The following UBASH3B variants were observed in gnomAD, a reference collection of about 807,000 sequenced individuals.
UBASH3B encodes the protein ubiquitin associated and SH3 domain containing B, also known as ubiquitin-associated and SH3 domain-containing protein B.
Under a neutral mutation model 83.4 loss-of-function variants are expected in UBASH3B, and 37 were observed. The observed-to-expected ratio is 0.44, with a 90% CI of 0.34 to 0.58. The LOEUF (loss-of-function observed/expected upper bound fraction) is 0.58, where lower values mean the gene tolerates loss of function less well. UBASH3B is among the 20% of genes least tolerant of loss of function. The probability of loss-of-function intolerance (pLI) is 0.01; values close to 1 mark genes in which losing one functional copy is unlikely to be tolerated. For synonymous variants in UBASH3B, 304 were observed against 318.3 expected (o/e 0.96, Z 0.48); for missense variants, 657 against 827.2 (o/e 0.79, Z 2.52).
chr11:122,720,064 A>G (rs1338805690), intron 1 of UBASH3B, among the ~76,000 whole-genome samples: 2 of 152,020 alleles, frequency 1.3e-5, no homozygotes, highest in African/African-American at 4.8e-5. Context: ...ACTCACCCCC[A>G]TAGTAGTCTC....
At chr11:122,709,853 TA>T (rs146090293) in intron 1 of UBASH3B, among the ~76,000 whole-genome samples, 18,788 of 152,120 alleles carry the variant, frequency 0.12, 1,296 homozygotes, top group African/African-American at 0.17. Flanking sequence ...TTCATTTGCC[TA>T]GATCAAAAGA....
chr11:122,719,601 G>A (rs1860587197), intron 1 of UBASH3B, among the ~76,000 whole-genome samples: 1 of 152,128 alleles, frequency 6.6e-6, no homozygotes, highest in South Asian at 2.1e-4. Context: ...GTAATAATCA[G>A]CCTTAGTAGC....
intron 1 of UBASH3B, among the ~76,000 whole-genome samples, chr11:122,694,935 T>A (rs1454973451): frequency 6.7e-6 from 1 of 149,370 alleles, no homozygotes; most frequent in Admixed American, 6.7e-5. Flanking sequence ...ATTTTATTTA[T>A]TTTTCTTTTC....
chr11:122,704,201 AAC>A (rs1263458705), intron 1 of UBASH3B, among the ~76,000 whole-genome samples: 8 of 152,202 alleles, frequency 5.3e-5, no homozygotes, highest in Non-Finnish European at 1.0e-4. Flanking sequence ...CTGCCAGTTG[AAC>A]AGTCTAACTT....
At chr11:122,708,865 T>C (rs1221226450) in intron 1 of UBASH3B, among the ~76,000 whole-genome samples, 1 of 152,180 alleles carries the variant, frequency 6.6e-6, no homozygotes, top group Non-Finnish European at 1.5e-5. Context: ...AATGAGAACA[T>C]GTATATAATG....
At chr11:122,720,173 A>G (rs999638369) in intron 1 of UBASH3B, among the ~76,000 whole-genome samples, 2 of 152,180 alleles carry the variant, frequency 1.3e-5, no homozygotes, top group Admixed American at 6.5e-5. Flanking sequence ...CGTACTCAGC[A>G]TCTCCTATGG....
intron 1 of UBASH3B, among the ~76,000 whole-genome samples, chr11:122,657,421 T>G (rs995160677): frequency 1.3e-5 from 2 of 152,148 alleles, no homozygotes; most frequent in African/African-American, 4.8e-5. Context: ...CCTGAGTAGC[T>G]GGGACCATAG....
chr11:122,779,237 G>T, intron 3 of UBASH3B: 1 of 538,916 alleles, frequency 1.9e-6, no homozygotes, highest in Non-Finnish European at 3.3e-6. Context: ...CAGCATTTTG[G>T]CTGGGTTCAC....
At chr11:122,708,084 A>C (rs1864147838) in intron 1 of UBASH3B, among the ~76,000 whole-genome samples, 1 of 152,102 alleles carries the variant, frequency 6.6e-6, no homozygotes, top group Non-Finnish European at 1.5e-5. Context: ...TAGGAAACAC[A>C]CTGAGCCAGA....
intron 1 of UBASH3B, among the ~76,000 whole-genome samples, chr11:122,679,056 C>T (rs1412602762): frequency 2.6e-5 from 4 of 152,124 alleles, no homozygotes; most frequent in African/African-American, 4.8e-5. Context: ...TACTAAGAGA[C>T]CTGACTAAAA....
At chr11:122,778,025 T>C (rs6589950) in intron 3 of UBASH3B, among the ~76,000 whole-genome samples, 110,548 of 151,710 alleles carry the variant, frequency 0.73, 40,583 homozygotes, top group African/African-American at 0.83. Flanking sequence ...CCACCATGCC[T>C]GGCCTCTACT....
At position 122,789,272 on chromosome 11, in the gene UBASH3B, C is replaced by T; in HGVS notation, c.944C>T (p.Thr315Ile). Residue 315 changes from threonine to isoleucine, a missense_variant, in exon 6 of 14, where the codon ACC becomes ATC. Transcript: ENST00000284273. ...GGACTCCTGCCTGAGAATTACATTA[C>T]CAAGGCTGATGAATGCAGCACCTGG... is the stretch of plus-strand genomic sequence containing the variant. ...CSGLLPENYI[T>I]KADECSTWIF... 1 of 1,614,204 alleles carries T rather than the reference C, an allele frequency of 6.2e-7. No homozygotes were observed. Among genetic ancestry groups the T allele is most frequent in the Non-Finnish European group, 8.5e-7 (1 of 1,180,038 alleles).
intron 10 of UBASH3B, among the ~76,000 whole-genome samples, chr11:122,800,619 C>T (rs980278144): frequency 6.6e-6 from 1 of 151,572 alleles, no homozygotes; most frequent in Non-Finnish European, 1.5e-5. Flanking sequence ...AATAAATTTT[C>T]TTTTTTTGAG....
intron 1 of UBASH3B, among the ~76,000 whole-genome samples, chr11:122,680,510 C>T (rs963216896): frequency 2.0e-5 from 3 of 152,184 alleles, no homozygotes; most frequent in Non-Finnish European, 4.4e-5. Context: ...GTTGCCCAGG[C>T]TGGAGTGCAA....
intron 5 of UBASH3B, among the ~76,000 whole-genome samples, chr11:122,788,135 T>G (rs1272709574): frequency 6.6e-6 from 1 of 152,224 alleles, no homozygotes; most frequent in Non-Finnish European, 1.5e-5. Flanking sequence ...GAGCCCAAAG[T>G]AAGAACGTTT....
intron 1 of UBASH3B, among the ~76,000 whole-genome samples, chr11:122,728,796 TC>T (rs935227977): frequency 4.1e-4 from 63 of 152,344 alleles, no homozygotes; most frequent in African/African-American, 1.3e-3. Flanking sequence ...TCTGTGTACT[TC>T]TAACATCTAG....
At position 122,741,724 on chromosome 11, in the gene UBASH3B, C is replaced by G. The variant is rs186295380; in HGVS notation, c.162-34495C>G. Among the ~76,000 whole-genome samples the G allele has an allele frequency of 3.0e-3, 460 of 152,260 alleles. 1 individual carries two copies. Among genetic ancestry groups the G allele is most frequent in the African/African-American group, 0.01 (429 of 41,528 alleles). ...CCATAAGGCCCTCACGACAGCCAGG[C>G]CCCAGAAACGTGAACTTTCTGAACT... On this transcript the variant is annotated intron_variant, in intron 1 of 13. Transcript: ENST00000284273.
intron 1 of UBASH3B, among the ~76,000 whole-genome samples, chr11:122,693,177 A>G (rs1250925695): frequency 6.6e-6 from 1 of 152,236 alleles, no homozygotes; most frequent in East Asian, 1.9e-4. Flanking sequence ...GGTGGGGGCG[A>G]TTACAAAGTA....
intron 1 of UBASH3B, among the ~76,000 whole-genome samples, chr11:122,745,421 G>C (rs1050349409): frequency 6.6e-6 from 1 of 152,198 alleles, no homozygotes. Flanking sequence ...TCTGATCTCA[G>C]GGAGTGTACA....
Sources: allele counts gnomAD v4.1 joint callset (sites outside exome capture counted in the v4.1 genomes callset), GRCh38; gene constraint gnomAD v4.1.1; transcripts MANE v1.5; gene names NCBI Gene and HGNC (gene_info 2026-07-23, HGNC 2026-07-21).